The following CYP4F12 variants were observed in gnomAD, a reference collection of about 807,000 sequenced individuals.
The protein encoded by CYP4F12 is cytochrome P450 family 4 subfamily F member 12, also known as cytochrome P450 4F12.
A neutral mutation model predicts 56.5 loss-of-function variants in CYP4F12; 60 were observed. The ratio of observed to expected loss-of-function variants is 1.06; its 90% CI spans 0.86 to 1.32. The LOEUF (loss-of-function observed/expected upper bound fraction) is 1.32. Ranked by LOEUF, CYP4F12 falls within the 40% of genes most tolerant of loss-of-function variation. CYP4F12 has a pLI of 0.00. For missense variants in CYP4F12, 711 were observed against 683.5 expected (o/e 1.04, Z -0.45); for synonymous variants, 263 against 264.9 (o/e 0.99, Z 0.07).
At chr19:15,692,708 G>A (rs775314713) in intron 9 of CYP4F12, among the ~76,000 whole-genome samples, 6 of 152,074 alleles carry the variant, frequency 3.9e-5, no homozygotes, top group African/African-American at 7.2e-5. Context: ...ATTTCATAGC[G>A]CCAGAGTAGG....
In CYP4F12 at chr19:15,678,310, C is replaced by G; in HGVS notation, c.248C>G (p.Thr83Ser). The G allele has an allele frequency of 5.6e-6, 9 of 1,614,194 alleles. No individual in the cohort carries two copies. Among genetic ancestry groups the G allele is most frequent in the Non-Finnish European group, 7.6e-6 (9 of 1,180,040 alleles). Residue 83 changes from threonine (T) to serine (S), a missense_variant, in exon 3 of 13, where the codon ACC becomes AGC. Transcript: ENST00000550308. Reference sequence around the variant, plus strand: ...AAGAACTCGACCCAGATGTCGGCCACCTATTCCCAGGGCTTTACGGTATGG... The same window carrying G: ...AAGAACTCGACCCAGATGTCGGCCAGCTATTCCCAGGGCTTTACGGTATGG... ...GLKNSTQMSA[T>S]YSQGFTVWLG...
rs1307702053 is a variant in CYP4F12 at position 15,678,493 on chromosome 19, G to A, written c.343+88G>A. The A allele has an allele frequency of 1.7e-5, 26 of 1,496,034 alleles. 1 individual carries two copies. Among genetic ancestry groups the A allele is most frequent in the East Asian group, 6.8e-5 (3 of 43,800 alleles). 92.7% of individuals were successfully genotyped at this position (1,496,034 alleles called of 1,614,324 possible). ...CCCACGTCCCTCCTTGAGTACTCGT[G>A]CCCCTCATTGAGACTTCCTTCTCAA... On this transcript the variant is annotated intron_variant, in intron 3 of 12. Coordinates refer to ENST00000550308, the MANE Select transcript of CYP4F12 (RefSeq NM_023944.4).
At chr19:15,683,407 A>T (rs1453303253) in intron 6 of CYP4F12, 86 bp from the exon 7 acceptor site, 1 of 1,407,646 alleles carries the variant, frequency 7.1e-7, no homozygotes, top group Non-Finnish European at 9.6e-7. Flanking sequence ...TCCTGATGGG[A>T]GGTAGCTCCT....
At chr19:15,693,237 T>C (rs1266066331) in intron 9 of CYP4F12, among the ~76,000 whole-genome samples, 2 of 152,000 alleles carry the variant, frequency 1.3e-5, no homozygotes, top group African/African-American at 4.8e-5. Context: ...TAGGAGTGAA[T>C]TATGTTTTAT....
intron 2 of CYP4F12, among the ~76,000 whole-genome samples, chr19:15,676,913 T>A (rs1302159431): frequency 7.4e-5 from 2 of 27,208 alleles, no homozygotes; most frequent in African/African-American, 1.2e-4. Context: ...ATTCCTCTCC[T>A]CACTTACTCA....
rs2007367430 is a variant in CYP4F12, at chr19:15,682,584, A to G, written c.647+74A>G. 4 of 1,593,944 alleles carry G rather than the reference A, an allele frequency of 2.5e-6. No homozygotes were observed. The Admixed American group carries it at 5.1e-5, about 20-fold the overall frequency. On this transcript the variant is annotated intron_variant, in intron 6 of 12. Coordinates refer to ENST00000550308, the MANE Select transcript of CYP4F12 (RefSeq NM_023944.4). The stretch of plus-strand genomic sequence containing the variant: ...GAAAGTTGGGGAGGGAGGAATGAGC[A>G]AAGTAACCAGAAGTACCTTTCGGGA...
At chr19:15,692,185 G>C (rs986941997) in intron 9 of CYP4F12, among the ~76,000 whole-genome samples, 1 of 152,100 alleles carries the variant, frequency 6.6e-6, no homozygotes, top group African/African-American at 2.4e-5. Context: ...TCAAACTCTT[G>C]ACCTCAAGTG....
At chr19:15,685,695 T>G (rs908176822) in intron 9 of CYP4F12, among the ~76,000 whole-genome samples, 1 of 152,174 alleles carries the variant, frequency 6.6e-6, no homozygotes, top group Non-Finnish European at 1.5e-5. Context: ...CTGAGAGAAC[T>G]AAGGACAATA....
chr19:15,696,941 G>A lies in CYP4F12; in HGVS notation c.1431G>A (p.Glu477=). 1.2e-6 allele frequency: 2 copies of A among 1,614,098 alleles called. No individual in the cohort carries two copies. Among genetic ancestry groups the A allele is most frequent in the Non-Finnish European group, 1.7e-6 (2 of 1,179,944 alleles). ...NCIGQAFAMA[E]MKVVLALMLL... ...TCGGGCAGGCGTTCGCCATGGCGGA[G>A]ATGAAAGTGGTCCTGGCGTTGATGC... The change falls in exon 13 of 13, where the codon GAG becomes GAA. Residue 477 remains glutamate, a synonymous_variant. Transcript: ENST00000550308.
rs191679491 is a variant in CYP4F12, at chr19:15,682,564, T to G, written c.647+54T>G. The G allele has an allele frequency of 1.9e-6, 3 of 1,606,094 alleles. No homozygotes were observed. In the African/African-American group the frequency reaches 4.0e-5, roughly 21 times the overall value. On this transcript the variant is annotated intron_variant, in intron 6 of 12. Coordinates refer to ENST00000550308, the MANE Select transcript of CYP4F12 (RefSeq NM_023944.4). ...GAATCCATGGACCAAAGGGAGAAAGTTGGGGAGGGAGGAATGAGCAAAGTA... is the reference window on the plus strand; with the variant it reads ...GAATCCATGGACCAAAGGGAGAAAGGTGGGGAGGGAGGAATGAGCAAAGTA...
chr19:15,686,134 G>A (rs2007592025), intron 9 of CYP4F12, among the ~76,000 whole-genome samples: 1 of 152,188 alleles, frequency 6.6e-6, no homozygotes, highest in Non-Finnish European at 1.5e-5. Flanking sequence ...AGAGAAGCAT[G>A]GCTGGGAGTA....
chr19:15,684,041 T>C (rs1479074097), intron 7 of CYP4F12: 1 of 242,396 alleles, frequency 4.1e-6, no homozygotes, highest in African/African-American at 2.2e-5. Context: ...TATGTCTTTG[T>C]CTATGTCTGT....
chr19:15,695,503 TAA>T (rs71176772), intron 9 of CYP4F12, among the ~76,000 whole-genome samples: 13,583 of 112,636 alleles, frequency 0.12, 1,585 homozygotes, highest in East Asian at 0.58. Flanking sequence ...ATAATAATAA[TAA>T]AAAAAAAAAA....
chr19:15,683,499 C>A lies in CYP4F12; in HGVS notation c.654C>A (p.Pro218=), dbSNP rs768037263. ...FSFDSHCQER[P]SEYIATILEL... is the part of the protein sequence containing the mutation. ...TTCTGCCCTTGCTCTGCAGGAGGCC[C>A]AGTGAATATATTGCCACCATCTTGG... Residue 218 remains proline (P), a synonymous_variant, in exon 7 of 13, where the codon CCC becomes CCA. Transcript: ENST00000550308. 2 of 1,599,670 alleles carry A rather than the reference C, an allele frequency of 1.3e-6. No individual in the cohort carries two copies. Among genetic ancestry groups the A allele is most frequent in the East Asian group, 4.5e-5 (2 of 44,682 alleles).
intron 9 of CYP4F12, among the ~76,000 whole-genome samples, chr19:15,691,151 G>A (rs2007849945): frequency 6.6e-6 from 1 of 152,162 alleles, no homozygotes; most frequent in South Asian, 2.1e-4. Context: ...TTAGCTTCTG[G>A]TCTGCATTGT....
intron 9 of CYP4F12, among the ~76,000 whole-genome samples, chr19:15,695,503 TA>T (rs71176772): frequency 0.27 from 30,189 of 112,432 alleles, 3,108 homozygotes; most frequent in African/African-American, 0.34. Context: ...ATAATAATAA[TA>T]AAAAAAAAAA....
At chr19:15,685,342 C>T (rs1215747304) in intron 9 of CYP4F12, 145 bp downstream of exon 9, 3 of 1,318,176 alleles carry the variant, frequency 2.3e-6, no homozygotes, top group African/African-American at 2.9e-5. Flanking sequence ...GGGCTTGATA[C>T]CAAGCCTGGC....
chr19:15,682,303 G>C (rs893948169), intron 5 of CYP4F12, 86 bp from the exon 6 acceptor site: 4 of 1,554,376 alleles, frequency 2.6e-6, no homozygotes, highest in African/African-American at 2.7e-5. Flanking sequence ...GGCTGGTTGT[G>C]GGGGAGTCCA....
At chr19:15,683,040 T>G (rs145905222) in intron 6 of CYP4F12, among the ~76,000 whole-genome samples, 99 of 151,968 alleles carry the variant, frequency 6.5e-4, no homozygotes, top group African/African-American at 2.3e-3. Flanking sequence ...CCCAGCTGCT[T>G]CTTCTTTCTT....
Sources: allele counts gnomAD v4.1 joint callset (sites outside exome capture counted in the v4.1 genomes callset), GRCh38; gene constraint gnomAD v4.1.1; transcripts MANE v1.5; gene names NCBI Gene and HGNC (gene_info 2026-07-23, HGNC 2026-07-21).